PPFIA2: variants seen among roughly 807,000 people sequenced by gnomAD.
The protein encoded by PPFIA2 is PPFI scaffold protein A2, also known as liprin-alpha-2.
Under a neutral mutation model 175.5 loss-of-function variants are expected in PPFIA2, and 46 were observed. The observed-to-expected ratio is 0.26, with a 90% confidence interval of 0.21 to 0.34. The LOEUF (loss-of-function observed/expected upper bound fraction) is 0.34, where lower values mean the gene tolerates loss of function less well. PPFIA2 is among the 10% of genes least tolerant of loss of function. PPFIA2 has a pLI of 1.00. For synonymous variants in PPFIA2, 568 were observed against 511.4 expected (o/e 1.11, Z -1.49); for missense variants, 1,179 against 1,506.1 (o/e 0.78, Z 3.60).
intron 4 of PPFIA2, among the ~76,000 whole-genome samples, chr12:81,568,394 T>A (rs542712364): frequency 6.6e-6 from 1 of 152,320 alleles, no homozygotes. Context: ...CTGGGGTTAA[T>A]ATAACTTGGG....
intron 28 of PPFIA2, among the ~76,000 whole-genome samples, chr12:81,268,365 C>G (rs113314493): frequency 6.6e-6 from 1 of 151,508 alleles, no homozygotes; most frequent in East Asian, 1.9e-4. Flanking sequence ...GTCTCGATCT[C>G]CTGACCTCGT....
chr12:81,372,606 T>C (rs2141605001), intron 11 of PPFIA2, among the ~76,000 whole-genome samples: 1 of 145,940 alleles, frequency 6.9e-6, no homozygotes, highest in East Asian at 2.0e-4. Context: ...ACCACAAAAC[T>C]TGGGAAAAGG....
In PPFIA2 at chr12:81,694,048, A is replaced by G. The variant is rs2075597338; in HGVS notation, c.250-17204T>C. ...TCAGATACAGGGGCAAAAAAAAATG[A>G]CCTAAGATTGGAATTTATGTTTAAA... On this transcript the variant is annotated intron_variant, in intron 3 of 32. Transcript: ENST00000549396. Among the ~76,000 whole-genome samples, 7 of 152,130 alleles carry G rather than the reference A, an allele frequency of 4.6e-5. No homozygotes were observed. The South Asian group carries it at 1.4e-3, about 31-fold the overall frequency.
intron 4 of PPFIA2, among the ~76,000 whole-genome samples, chr12:81,588,352 CAAAATAA>C (rs2075576598): frequency 6.6e-6 from 1 of 151,984 alleles, no homozygotes; most frequent in African/African-American, 2.4e-5. Flanking sequence ...CACACACACT[CAAAATAA>C]TGATAATTCT....
At chr12:81,330,452 T>C (rs1182157881) in intron 21 of PPFIA2, among the ~76,000 whole-genome samples, 1 of 152,216 alleles carries the variant, frequency 6.6e-6, no homozygotes, top group Non-Finnish European at 1.5e-5. Context: ...TAGTTTACTA[T>C]GACATACATA....
At chr12:81,648,788 G>C (rs2066562081) in intron 4 of PPFIA2, among the ~76,000 whole-genome samples, 1 of 151,592 alleles carries the variant, frequency 6.6e-6, no homozygotes, top group South Asian at 2.1e-4. Context: ...CAAAAAGATA[G>C]ACTTACAGAT....
chr12:81,738,666 G>C (rs1184577522), intron 3 of PPFIA2, among the ~76,000 whole-genome samples: 2 of 151,200 alleles, frequency 1.3e-5, no homozygotes, highest in Non-Finnish European at 3.0e-5. Context: ...TGGCATGAAA[G>C]GTTGATTTAA....
At chr12:81,296,862 A>T (rs1239075836) in intron 23 of PPFIA2, 5 of 151,966 alleles carry the variant, frequency 3.3e-5, no homozygotes, top group African/African-American at 1.2e-4. Context: ...ACCTCCTGAT[A>T]TCCGTTCCCT....
chr12:81,491,543 G>T (rs902502631), intron 4 of PPFIA2, among the ~76,000 whole-genome samples: 4 of 151,844 alleles, frequency 2.6e-5, no homozygotes, highest in African/African-American at 9.7e-5. Flanking sequence ...GGTAATTACT[G>T]TTAGATAAAT....
chr12:81,475,825 T>C (rs1249978259), intron 4 of PPFIA2, among the ~76,000 whole-genome samples: 1 of 152,068 alleles, frequency 6.6e-6, no homozygotes, highest in African/African-American at 2.4e-5. Flanking sequence ...CCATTCTCCT[T>C]CTCAGCCTCC....
chr12:81,278,813 A>G (rs753303859), intron 27 of PPFIA2, among the ~76,000 whole-genome samples: 2 of 152,232 alleles, frequency 1.3e-5, no homozygotes, highest in Non-Finnish European at 2.9e-5. Context: ...ATCATTGATT[A>G]TCAGTGATAC....
intron 4 of PPFIA2, among the ~76,000 whole-genome samples, chr12:81,516,816 T>C (rs932480296): frequency 6.6e-6 from 1 of 152,126 alleles, no homozygotes; most frequent in African/African-American, 2.4e-5. Flanking sequence ...ACTAATAAAA[T>C]TGTTTTATTA....
At chr12:81,457,124 C>T (rs2053707777) in intron 5 of PPFIA2, among the ~76,000 whole-genome samples, 2 of 151,826 alleles carry the variant, frequency 1.3e-5, no homozygotes. Context: ...GCTGGGACTG[C>T]AGGTGCGTGC....
chr12:81,504,744 CA>C (rs1293215757), intron 4 of PPFIA2, among the ~76,000 whole-genome samples: 4 of 152,120 alleles, frequency 2.6e-5, no homozygotes, highest in Non-Finnish European at 5.9e-5. Flanking sequence ...GGAACCAACC[CA>C]AATGCCCATC....
intron 4 of PPFIA2, among the ~76,000 whole-genome samples, chr12:81,642,208 T>C (rs2065053600): frequency 6.6e-6 from 1 of 152,046 alleles, no homozygotes; most frequent in South Asian, 2.1e-4. Context: ...ATAAGACTTA[T>C]ACACATATAT....
chr12:81,577,220 T>C (rs2073704264), intron 4 of PPFIA2, among the ~76,000 whole-genome samples: 1 of 151,880 alleles, frequency 6.6e-6, no homozygotes, highest in African/African-American at 2.4e-5. Context: ...TTAACATTCC[T>C]CTGCTTAGAG....
At position 81,754,114 on chromosome 12, in the gene PPFIA2, C is replaced by G. The variant is rs1174492527; in HGVS notation, c.108G>C (p.Val36=). ...DSDSHFEQLM[V]NMLDERDRLL... ...GACGATCCCTTTCATCTAGCATATT[C>G]ACCATCAGCTGCTCAAAATGGGAGT... Residue 36 remains valine (V), a synonymous_variant, in exon 3 of 33, where the codon GTG becomes GTC. Transcript: ENST00000549396. 7 of 1,613,690 alleles carry G rather than the reference C, an allele frequency of 4.3e-6. No homozygotes were observed. In the African/African-American group the frequency reaches 5.3e-5, roughly 12 times the overall value.
intron 3 of PPFIA2, among the ~76,000 whole-genome samples, chr12:81,728,403 C>T (rs2080384382): frequency 6.6e-6 from 1 of 151,394 alleles, no homozygotes; most frequent in Non-Finnish European, 1.5e-5. Context: ...CATCTTTATG[C>T]TCAGTCTCAC....
At chr12:81,356,242 T>C (rs1036276063) in intron 16 of PPFIA2, among the ~76,000 whole-genome samples, 1 of 152,142 alleles carries the variant, frequency 6.6e-6, no homozygotes, top group African/African-American at 2.4e-5. Flanking sequence ...ACACAACATA[T>C]AGATTAACTT....
Sources: allele counts gnomAD v4.1 joint callset (sites outside exome capture counted in the v4.1 genomes callset), GRCh38; gene constraint gnomAD v4.1.1; transcripts MANE v1.5; gene names NCBI Gene and HGNC (gene_info 2026-07-23, HGNC 2026-07-21).